Variants in ACLY observed in about 807,000 individuals in gnomAD.
ACLY encodes the protein ATP citrate lyase, also known as ATP-citrate synthase.
A neutral mutation model predicts 133.0 loss-of-function variants in ACLY; 41 were observed. That is an observed-to-expected ratio of 0.31 (90% CI 0.24 to 0.40). The LOEUF is 0.40. Ranked by LOEUF, ACLY falls within the 10% of genes least tolerant of loss-of-function variation. ACLY has a pLI of 1.00. For missense variants in ACLY, 1,046 were observed against 1,453.8 expected, an observed-to-expected ratio of 0.72 and a Z score of 4.56; for synonymous variants, 495 against 549.3, an observed-to-expected ratio of 0.90 and a Z score of 1.38.
At chr17:41,923,338 C>T (rs782737976), upstream of ACLY, among the ~76,000 whole-genome samples, 7 of 152,164 alleles carry the variant, frequency 4.6e-5, no homozygotes, top group Non-Finnish European at 7.3e-5. Flanking sequence ...TTCCAGAAGC[C>T]TAAAACTGGC....
At chr17:41,880,860 C>T (rs1335878249) in intron 20 of ACLY, among the ~76,000 whole-genome samples, 1 of 150,186 alleles carries the variant, frequency 6.7e-6, no homozygotes, top group East Asian at 2.0e-4. Context: ...AGCGAGACTC[C>T]GTCTCAAAAA....
intron 20 of ACLY, among the ~76,000 whole-genome samples, chr17:41,881,222 G>C (rs1334939422): frequency 6.6e-6 from 1 of 152,004 alleles, no homozygotes; most frequent in East Asian, 1.9e-4. Context: ...CTGAGGTCAG[G>C]ACTTCGAGAC....
intron 1 of ACLY, among the ~76,000 whole-genome samples, chr17:41,915,943 GAAGA>G (rs2144424735): frequency 6.6e-6 from 1 of 152,250 alleles, no homozygotes; most frequent in East Asian, 1.9e-4. Flanking sequence ...TGCCTCTCTA[GAAGA>G]AAGAAGTCTG....
intron 20 of ACLY, among the ~76,000 whole-genome samples, chr17:41,882,366 C>CAAAAAAA (rs1567891152): frequency 2.1e-4 from 1 of 4,670 alleles, no homozygotes. Context: ...GACCCTGTCT[C>CAAAAAAA]CAAAAAAAAA....
intron 7 of ACLY, 124 bp downstream of exon 7, chr17:41,907,318 T>C (rs1462287070): frequency 2.3e-5 from 15 of 655,584 alleles, no homozygotes; most frequent in African/African-American, 1.5e-4. Context: ...AATTAAATGC[T>C]TCTCAGTCTT....
chr17:41,919,290 G>A (rs1438778927), upstream of ACLY, among the ~76,000 whole-genome samples: 2 of 131,534 alleles, frequency 1.5e-5, no homozygotes, highest in African/African-American at 5.5e-5. Flanking sequence ...TGGACAGATT[G>A]CCACTCGGGG....
intron 14 of ACLY, among the ~76,000 whole-genome samples, chr17:41,895,503 C>T (rs1271155127): frequency 2.6e-5 from 4 of 152,246 alleles, no homozygotes; most frequent in African/African-American, 9.6e-5. Context: ...ATGCCCCCTA[C>T]ACCAGGCCTC....
At position 41,867,685 on chromosome 17, in the gene ACLY, C is replaced by A. The variant is rs1445833030; in HGVS notation, c.*125G>T. ...GATGTTGGTCTTCGGTGCCTGTACC[C>A]CAGTGGCTGTTTACATTCCAGGCCC... is the stretch of plus-strand genomic sequence containing the variant. On this transcript the variant is annotated 3_prime_UTR_variant, in exon 29 of 29. Coordinates refer to ENST00000352035, the MANE Select transcript of ACLY (RefSeq NM_001096.3). The A allele has an allele frequency of 4.8e-6, 3 of 625,412 alleles. No individual in the cohort carries two copies. The highest frequency in any genetic ancestry group is 5.4e-6 in the Non-Finnish European group (2 of 371,894). 38.7% of individuals were successfully genotyped at this position (625,412 alleles called of 1,614,324 possible).
intron 7 of ACLY, 63 bp from the exon 8 acceptor site, chr17:41,906,709 A>G: frequency 1.4e-6 from 2 of 1,425,424 alleles, no homozygotes; most frequent in Non-Finnish European, 2.0e-6. Context: ...CCCAGATCCT[A>G]GGACCCCTCC....
chr17:41,889,026 G>C (rs2049129807), intron 16 of ACLY, among the ~76,000 whole-genome samples: 1 of 152,104 alleles, frequency 6.6e-6, no homozygotes, highest in Non-Finnish European at 1.5e-5. Context: ...GCTGAGGCAG[G>C]AGAATCACTT....
At chr17:41,884,609 G>A (rs913508192) in intron 18 of ACLY, among the ~76,000 whole-genome samples, 1 of 152,198 alleles carries the variant, frequency 6.6e-6, no homozygotes, top group Non-Finnish European at 1.5e-5. Context: ...TTCCGGCCAG[G>A]CGCAGTGGCT....
chr17:41,908,929 G>T, intron 6 of ACLY, 60 bp downstream of exon 6: 2 of 1,382,088 alleles, frequency 1.4e-6, no homozygotes, highest in Non-Finnish European at 2.0e-6. Context: ...GAATGCCAAG[G>T]CCAGGGCTGT....
intron 20 of ACLY, among the ~76,000 whole-genome samples, chr17:41,882,367 C>CAAAAAAAAAAAAAAAAAAAA (rs34078258): frequency 7.5e-5 from 3 of 40,252 alleles, no homozygotes; most frequent in African/African-American, 2.1e-4. Context: ...ACCCTGTCTC[C>CAAAAAAAAAAAAAAAAAAAA]AAAAAAAAAA....
At chr17:41,919,118 G>C (rs2050137495), upstream of ACLY, 1 of 1,158,248 alleles carries the variant, frequency 8.6e-7, no homozygotes, top group Admixed American at 3.9e-5. Flanking sequence ...CCCCACGAGG[G>C]CGGGCCCCGG....
intron 16 of ACLY, among the ~76,000 whole-genome samples, chr17:41,890,149 T>C (rs1555628961): frequency 6.6e-6 from 1 of 152,122 alleles, no homozygotes; most frequent in Non-Finnish European, 1.5e-5. Flanking sequence ...GAAAGCAGAT[T>C]ATATGAGTGG....
rs370282057 is a variant in ACLY, at chr17:41,881,692, G to T, written c.2265+1430C>A. ...GCTCACTGCATCCTCCGCCTCCCAG[G>T]TTCAAGCAATTCTCCTGCCTCAGCC... On this transcript the variant is annotated intron_variant, in intron 20 of 28. Coordinates refer to ENST00000352035, the MANE Select transcript of ACLY (RefSeq NM_001096.3). Among the ~76,000 whole-genome samples, 301 of 152,128 alleles carry T rather than the reference G, an allele frequency of 2.0e-3. 3 individuals carry two copies. Among genetic ancestry groups the T allele is most frequent in the African/African-American group, 6.9e-3 (285 of 41,504 alleles).
intron 15 of ACLY, 92 bp from the exon 16 acceptor site, chr17:41,892,539 G>A: frequency 1.7e-6 from 2 of 1,181,570 alleles, no homozygotes; most frequent in Non-Finnish European, 2.4e-6. Flanking sequence ...CTAGAAGATA[G>A]AAAAGGCATG....
At chr17:41,871,516 C>G (rs1180755139) in intron 25 of ACLY, among the ~76,000 whole-genome samples, 173 bp downstream of exon 25, 1 of 152,120 alleles carries the variant, frequency 6.6e-6, no homozygotes, top group Non-Finnish European at 1.5e-5. Context: ...CCACGCCTGG[C>G]TAATTTTTTT....
chr17:41,908,286 A>G (rs564563668), intron 6 of ACLY, among the ~76,000 whole-genome samples: 30 of 152,306 alleles, frequency 2.0e-4, no homozygotes, highest in African/African-American at 6.5e-4. Context: ...ACTGAGACCA[A>G]GCTCTTCCCA....
Sources: gnomAD v4.1 joint callset for allele counts (sites outside exome capture counted in the v4.1 genomes callset) on GRCh38, gnomAD v4.1.1 for gene constraint, MANE v1.5 for transcripts, NCBI Gene and HGNC (gene_info 2026-07-23, HGNC 2026-07-21) for gene names.